ITGAV: variants seen among roughly 807,000 people sequenced by gnomAD.
ITGAV encodes integrin alpha-V.
A neutral mutation model predicts 143.8 loss-of-function variants in ITGAV; 76 were observed. That is an observed-to-expected ratio of 0.53 (90% CI 0.44 to 0.64). ITGAV has a LOEUF of 0.64. Ranked by LOEUF, ITGAV falls within the 30% of genes least tolerant of loss-of-function variation. The pLI is 0.00. For synonymous variants in ITGAV, 453 were observed against 446.7 expected (o/e 1.01, Z -0.18); for missense variants, 1,193 against 1,274.7 (o/e 0.94, Z 0.98).
chr2:186,668,618 G>A, intron 24 of ITGAV, 144 bp from the exon 25 acceptor site: 1 of 659,598 alleles, frequency 1.5e-6, no homozygotes, highest in African/African-American at 1.8e-5. Flanking sequence ...CATAAAAATG[G>A]TCACATTGTA....
Position 186,669,798 on chromosome 2 carries a change from G to A in ITGAV, c.2690G>A (p.Gly897Glu). 1 of 1,612,216 alleles carries A rather than the reference G, an allele frequency of 6.2e-7. No individual in the cohort carries two copies. The highest frequency in any genetic ancestry group is 8.5e-7 in the Non-Finnish European group (1 of 1,178,380). The part of the protein sequence containing the change: ...ITKRDLALSE[G>E]DIHTLGCGVA... Reference sequence around the variant, plus strand: ...AAGCGGGATCTTGCCCTCAGTGAAGGAGATATTCACACTTTGGTAAGTGCC... The same window carrying A: ...AAGCGGGATCTTGCCCTCAGTGAAGAAGATATTCACACTTTGGTAAGTGCC... The change falls in exon 26 of 30, where the codon GGA becomes GAA. Residue 897 changes from glycine to glutamate, a missense_variant. Physicochemically the swap from Gly to Glu is moderately conservative, Grantham distance 98. Coordinates refer to ENST00000261023, the MANE Select transcript of ITGAV (RefSeq NM_002210.5).
intron 4 of ITGAV, among the ~76,000 whole-genome samples, chr2:186,629,894 A>G (rs887728532): frequency 6.6e-6 from 1 of 152,114 alleles, no homozygotes; most frequent in Admixed American, 6.6e-5. Context: ...TGTTCTAGGT[A>G]CTGTATTGCT....
At position 186,636,129 on chromosome 2, in the gene ITGAV, C is replaced by G. The variant is rs760398503; in HGVS notation, c.679C>G (p.Pro227Ala). The change falls in exon 7 of 30, where the codon CCC (proline) becomes GCC (alanine). Residue 227 changes from proline to alanine, a missense_variant. Transcript: ENST00000261023. ...QVAEIVSKYDPNVYSIKYNNQ... is the reference protein window; with the variant it reads ...QVAEIVSKYDANVYSIKYNNQ... Reference sequence around the variant, plus strand: ...GGCAGAAATCGTATCTAAATACGACCCCAATGTTTACAGCATCAAGTATAA... The same window carrying G: ...GGCAGAAATCGTATCTAAATACGACGCCAATGTTTACAGCATCAAGTATAA... The G allele has an allele frequency of 1.9e-6, 3 of 1,612,840 alleles. No individual in the cohort carries two copies. The highest frequency in any genetic ancestry group is 1.1e-5 in the South Asian group (1 of 90,998).
Position 186,638,326 on chromosome 2 carries a change from A to C in ITGAV, c.846+6A>C. ...CAGCAAGGACTTTGGGAATGGTAGGACAGTTAAAAGGTATTTTTTAAAAAA... is the reference window on the plus strand; with the variant it reads ...CAGCAAGGACTTTGGGAATGGTAGGCCAGTTAAAAGGTATTTTTTAAAAAA... On this transcript the variant is annotated splice_donor_region_variant and intron_variant, in intron 9 of 29. Transcript: ENST00000261023. 6.2e-7 allele frequency: 1 copy of C among 1,613,178 alleles called. No individual in the cohort carries two copies. Among genetic ancestry groups the C allele is most frequent in the South Asian group, 1.1e-5 (1 of 91,052 alleles).
At chr2:186,627,087 T>G (rs1687695673) in intron 4 of ITGAV, among the ~76,000 whole-genome samples, 1 of 152,162 alleles carries the variant, frequency 6.6e-6, no homozygotes, top group African/African-American at 2.4e-5. Flanking sequence ...GAACTGAGGT[T>G]CACATAGTTG....
chr2:186,656,233 T>G lies in ITGAV; in HGVS notation c.1565-14T>G. ...TAAAGAATATGTTGGTTATAAATCCTTTGGTTTACATAGATTTCCAGGTGG... is the reference window on the plus strand; with the variant it reads ...TAAAGAATATGTTGGTTATAAATCCGTTGGTTTACATAGATTTCCAGGTGG... On this transcript the variant is annotated splice_polypyrimidine_tract_variant and intron_variant, in intron 16 of 29. Coordinates refer to ENST00000261023, the MANE Select transcript of ITGAV (RefSeq NM_002210.5). 5 of 1,572,630 alleles carry G rather than the reference T, an allele frequency of 3.2e-6. No individual in the cohort carries two copies. Among genetic ancestry groups the G allele is most frequent in the Middle Eastern group, 1.7e-4 (1 of 5,956 alleles).
chr2:186,593,647 G>T (rs1302728961), intron 1 of ITGAV, among the ~76,000 whole-genome samples: 2 of 152,056 alleles, frequency 1.3e-5, no homozygotes, highest in Non-Finnish European at 2.9e-5. Flanking sequence ...TTTATAATTT[G>T]CTAAGCACTT....
At chr2:186,622,695 C>T (rs565514044) in intron 3 of ITGAV, among the ~76,000 whole-genome samples, 1 of 152,306 alleles carries the variant, frequency 6.6e-6, no homozygotes, top group East Asian at 1.9e-4. Flanking sequence ...TTTATTTCCA[C>T]CTAGCCAAGT....
At chr2:186,613,719 T>G (rs1022500396) in intron 2 of ITGAV, among the ~76,000 whole-genome samples, 1 of 152,162 alleles carries the variant, frequency 6.6e-6, no homozygotes, top group Non-Finnish European at 1.5e-5. Flanking sequence ...TCGTTAATAG[T>G]ACTAGTTCTA....
chr2:186,649,961 T>C, intron 14 of ITGAV, 76 bp downstream of exon 14: 1 of 952,214 alleles, frequency 1.1e-6, no homozygotes, highest in South Asian at 1.8e-5. Context: ...TGTCAGTGTT[T>C]GAATTTTAGT....
Position 186,680,181 on chromosome 2 carries a change from C to T in ITGAV, c.*2889C>T, listed in dbSNP as rs1354960022. ...GTGCAGCCACTACCCATCTCAATGT[C>T]ACCTTGTTTGCATTCTTGGATAGCT... On this transcript the variant is annotated 3_prime_UTR_variant, in exon 30 of 30. Transcript: ENST00000261023. 1 of 152,056 alleles carries T rather than the reference C, an allele frequency of 6.6e-6. No homozygotes were observed. Among genetic ancestry groups the T allele is most frequent in the African/African-American group, 2.4e-5 (1 of 41,434 alleles). 9.4% of individuals were successfully genotyped at this position (152,056 alleles called of 1,614,324 possible).
intron 8 of ITGAV, among the ~76,000 whole-genome samples, chr2:186,637,572 T>G (rs1283590400): frequency 6.6e-6 from 1 of 152,140 alleles, no homozygotes; most frequent in African/African-American, 2.4e-5. Context: ...GAGGAAGATG[T>G]TAGCACACTG....
At chr2:186,651,650 G>A (rs1405630885) in intron 14 of ITGAV, among the ~76,000 whole-genome samples, 3 of 151,936 alleles carry the variant, frequency 2.0e-5, no homozygotes, top group Non-Finnish European at 2.9e-5. Flanking sequence ...TTTTCTCCAC[G>A]GTAGTGCAGC....
At position 186,649,875 on chromosome 2, in the gene ITGAV, A is replaced by AG; in HGVS notation, c.1387_1388insG (p.Ile463SerfsTer16). On this transcript the variant is annotated frameshift_variant, in exon 14 of 30. Coordinates refer to ENST00000261023, the MANE Select transcript of ITGAV (RefSeq NM_002210.5). LOFTEE classifies it high-confidence loss of function. ...AGGAGCTTTTGGTGTAGATCGAGCT[A>AG]TCTTATACAGGTGAGCATTTTCTGT... 7.1e-7 allele frequency: 1 copy of AG among 1,404,552 alleles called. No individual in the cohort carries two copies. The highest frequency in any genetic ancestry group is 9.3e-7 in the Non-Finnish European group (1 of 1,074,020). The allele number at this position is 1,404,552 out of a possible 1,614,324, so 87.0% of individuals were successfully genotyped here.
chr2:186,675,162 C>T (rs1386089323), intron 26 of ITGAV, among the ~76,000 whole-genome samples: 2 of 152,148 alleles, frequency 1.3e-5, no homozygotes, highest in Admixed American at 6.5e-5. Context: ...CATCAGCATG[C>T]GATTTGATTT....
At chr2:186,641,939 A>G (rs763248894) in intron 12 of ITGAV, among the ~76,000 whole-genome samples, 15 of 151,582 alleles carry the variant, frequency 9.9e-5, no homozygotes, top group African/African-American at 3.4e-4. Context: ...TCATTTGGCT[A>G]CAAGTGTTAA....
chr2:186,644,839 C>A (rs1276440181), intron 12 of ITGAV, among the ~76,000 whole-genome samples: 1 of 151,452 alleles, frequency 6.6e-6, no homozygotes, highest in Non-Finnish European at 1.5e-5. Context: ...AAAAGTACCT[C>A]AATGTGATCA....
intron 2 of ITGAV, among the ~76,000 whole-genome samples, chr2:186,602,433 T>A (rs1686936902): frequency 6.6e-6 from 1 of 152,228 alleles, no homozygotes; most frequent in Non-Finnish European, 1.5e-5. Flanking sequence ...CCTGTTAGGA[T>A]GTTTTTGTAC....
chr2:186,635,557 A>G (rs1687926088), intron 6 of ITGAV, among the ~76,000 whole-genome samples: 1 of 152,226 alleles, frequency 6.6e-6, no homozygotes, highest in South Asian at 2.1e-4. Context: ...TAAACCAGCT[A>G]TCCTTTCTTG....
Sources: allele counts gnomAD v4.1 joint callset (sites outside exome capture counted in the v4.1 genomes callset), GRCh38; gene constraint gnomAD v4.1.1; transcripts MANE v1.5; gene names NCBI Gene and HGNC (gene_info 2026-07-23, HGNC 2026-07-21).